Variants in CNTN5 observed in about 807,000 individuals in gnomAD.
The protein encoded by CNTN5 is contactin-5.
Under a neutral mutation model 129.1 loss-of-function variants are expected in CNTN5, and 77 were observed. The ratio of observed to expected loss-of-function variants is 0.60; its 90% CI spans 0.50 to 0.72. The LOEUF is 0.72. Among genes scored for constraint, CNTN5 ranks in the 30% least tolerant of loss-of-function variants. CNTN5 has a pLI of 0.00. For synonymous variants in CNTN5, 509 were observed against 465.6 expected (o/e 1.09, Z -1.20); for missense variants, 1,478 against 1,328.8 (o/e 1.11, Z -1.75).
chr11:99,359,885 A>G (rs4753949), intron 2 of CNTN5, among the ~76,000 whole-genome samples: 35,219 of 151,944 alleles, frequency 0.23, 4,113 homozygotes, highest in South Asian at 0.33. Context: ...CCAAGTATAT[A>G]TGAAAAAAAC....
At position 99,632,685 on chromosome 11, in the gene CNTN5, CAGT is replaced by C. The variant is rs370153858; in HGVS notation, c.55+76419_55+76421del. ...TTAACAGTGTTATTAACCACTGAAT[CAGT>C]AGAGTCTAGATCTAAATGGTATAGA... On this transcript the variant is annotated intron_variant, in intron 3 of 24. Coordinates refer to ENST00000524871, the MANE Select transcript of CNTN5 (RefSeq NM_014361.4). 1.0e-3 allele frequency among the ~76,000 whole-genome samples: 159 copies of C among 152,214 alleles called. 1 individual carries two copies. Among genetic ancestry groups the C allele is most frequent in the African/African-American group, 3.7e-3 (152 of 41,532 alleles).
At position 100,275,601 on chromosome 11, in the gene CNTN5, C is replaced by T. The variant is rs187380347; in HGVS notation, c.2314+4360C>T. Among the ~76,000 whole-genome samples, 16 of 152,302 alleles carry T rather than the reference C, an allele frequency of 1.1e-4. 2 individuals carry two copies. Among genetic ancestry groups the T allele is most frequent in the African/African-American group, 3.8e-4 (16 of 41,570 alleles). On this transcript the variant is annotated intron_variant, in intron 18 of 24. Transcript: ENST00000524871. ...AAGCATTTTAGCAAGATCACTTTTA[C>T]ATTTCAAGCTAAAGTGTATTCAGAT... is the stretch of plus-strand genomic sequence containing the variant.
At chr11:99,123,142 A>T (rs549480749) in intron 1 of CNTN5, among the ~76,000 whole-genome samples, 1 of 152,262 alleles carries the variant, frequency 6.6e-6, no homozygotes, top group African/African-American at 2.4e-5. Flanking sequence ...CAATGGCTGA[A>T]ATAACTTACT....
Position 100,105,723 on chromosome 11 carries a change from A to T in CNTN5, c.1580+31429A>T, listed in dbSNP as rs138633480. ...ACTCTCCAAGGTCTCATCGTTTCAG[A>T]CCTCTCAACCCCTCCATTCTCCATT... On this transcript the variant is annotated intron_variant, in intron 13 of 24. Transcript: ENST00000524871. Among the ~76,000 whole-genome samples, 108 of 151,880 alleles carry T rather than the reference A, an allele frequency of 7.1e-4. 2 individuals are homozygous for T. The East Asian group carries it at 0.021, about 29-fold the overall frequency.
At position 99,887,877 on chromosome 11, in the gene CNTN5, T is replaced by G. The variant is rs1247354500; in HGVS notation, c.578-28177T>G. Among the ~76,000 whole-genome samples the G allele has an allele frequency of 9.2e-5, 14 of 152,354 alleles. No individual in the cohort carries two copies. In the South Asian group the frequency reaches 2.9e-3, roughly 32 times the overall value. The stretch of plus-strand genomic sequence containing the variant: ...CTCATTAGTTGATGTCCACCTAGAT[T>G]GAGGGTGGGTCTGCCTCTCCCAGTC... On this transcript the variant is annotated intron_variant, in intron 6 of 24. Coordinates refer to ENST00000524871, the MANE Select transcript of CNTN5 (RefSeq NM_014361.4).
intron 1 of CNTN5, among the ~76,000 whole-genome samples, chr11:99,245,731 A>T (rs571228460): frequency 6.6e-6 from 1 of 152,314 alleles, no homozygotes; most frequent in African/African-American, 2.4e-5. Flanking sequence ...TGTTTCTGTC[A>T]TCTAACGCTG....
chr11:99,111,818 T>C lies in CNTN5; in HGVS notation c.-210+90548T>C, dbSNP rs1371406311. On this transcript the variant is annotated intron_variant, in intron 1 of 24. Coordinates refer to ENST00000524871, the MANE Select transcript of CNTN5 (RefSeq NM_014361.4). ...ATCTTTAAAAAATGTGTGAATTCTATATTTGTCCTAATTAATAAGACTTTT... is the reference window on the plus strand; with the variant it reads ...ATCTTTAAAAAATGTGTGAATTCTACATTTGTCCTAATTAATAAGACTTTT... 4.6e-5 allele frequency among the ~76,000 whole-genome samples: 7 copies of C among 152,184 alleles called. No homozygotes were observed. In the South Asian group the frequency reaches 8.3e-4, roughly 18 times the overall value.
At chr11:99,654,900 A>G (rs528452495) in intron 3 of CNTN5, among the ~76,000 whole-genome samples, 23 of 152,166 alleles carry the variant, frequency 1.5e-4, no homozygotes, top group African/African-American at 5.5e-4. Flanking sequence ...AGCAGAAAAA[A>G]AGGTTTAATC....
intron 3 of CNTN5, among the ~76,000 whole-genome samples, chr11:99,595,552 G>A (rs1018075396): frequency 2.6e-5 from 4 of 151,962 alleles, no homozygotes; most frequent in Admixed American, 6.6e-5. Context: ...ATTAAAAAGC[G>A]ATTTGTGGAA....
At chr11:99,148,001 G>A (rs1024053982) in intron 1 of CNTN5, among the ~76,000 whole-genome samples, 20 of 151,810 alleles carry the variant, frequency 1.3e-4, no homozygotes, top group Admixed American at 4.6e-4. Flanking sequence ...AGCCATTCAT[G>A]CCAATAAAAA....
intron 4 of CNTN5, 100 bp downstream of exon 4, chr11:99,819,865 G>A (rs1291835118): frequency 3.1e-5 from 22 of 709,434 alleles, no homozygotes; most frequent in Non-Finnish European, 3.1e-5. Flanking sequence ...CAGTAGGAGA[G>A]AGTGATTGAA....
At chr11:99,213,323 T>C (rs1020119430) in intron 1 of CNTN5, among the ~76,000 whole-genome samples, 4 of 143,866 alleles carry the variant, frequency 2.8e-5, no homozygotes, top group African/African-American at 1.0e-4. Context: ...ATATAAAATA[T>C]ATAAATATAT....
At chr11:100,156,064 G>A (rs1455668238) in intron 13 of CNTN5, among the ~76,000 whole-genome samples, 5 of 152,096 alleles carry the variant, frequency 3.3e-5, no homozygotes, top group Non-Finnish European at 1.5e-5. Context: ...GTGAGAGGGG[G>A]CACCCTTGTC....
intron 3 of CNTN5, among the ~76,000 whole-genome samples, chr11:99,703,934 G>A (rs1193349562): frequency 6.6e-6 from 1 of 151,028 alleles, no homozygotes; most frequent in South Asian, 2.1e-4. Context: ...ATTGTAGGTA[G>A]AGTAAGAATG....
chr11:99,889,317 TG>T lies in CNTN5; in HGVS notation c.578-26736del, dbSNP rs879359164. On this transcript the variant is annotated intron_variant, in intron 6 of 24. Transcript: ENST00000524871. Reference sequence around the variant, plus strand: ...GTGTGTGTGTGTGTGTGTGTGTGTGTGTGTGTGTGTGTGTGTGTGTGTGTGT... The same window carrying T: ...GTGTGTGTGTGTGTGTGTGTGTGTGTTGTGTGTGTGTGTGTGTGTGTGTGT... Among the ~76,000 whole-genome samples the T allele has an allele frequency of 4.8e-3, 633 of 132,778 alleles. 13 individuals carry two copies. The highest frequency in any genetic ancestry group is 0.012 in the African/African-American group (476 of 38,420). The allele number at this position is 132,778 out of a possible 152,430, so 87.1% of individuals were successfully genotyped here.
intron 3 of CNTN5, among the ~76,000 whole-genome samples, chr11:99,757,236 C>T (rs927210940): frequency 5.3e-5 from 8 of 152,002 alleles, no homozygotes; most frequent in African/African-American, 1.2e-4. Context: ...TCACATGGGG[C>T]TCTTTCTGTG....
chr11:99,643,558 G>A (rs1419361141), intron 3 of CNTN5, among the ~76,000 whole-genome samples: 1 of 152,010 alleles, frequency 6.6e-6, no homozygotes, highest in Non-Finnish European at 1.5e-5. Flanking sequence ...ATATTATTTA[G>A]AACAATAAAT....
At chr11:99,436,629 C>T (rs1943609929) in intron 2 of CNTN5, among the ~76,000 whole-genome samples, 1 of 152,152 alleles carries the variant, frequency 6.6e-6, no homozygotes, top group Non-Finnish European at 1.5e-5. Context: ...ATCCAAAAAA[C>T]TTTACTATCA....
chr11:99,313,877 G>A (rs1044579453), intron 1 of CNTN5, among the ~76,000 whole-genome samples: 7 of 151,864 alleles, frequency 4.6e-5, no homozygotes, highest in East Asian at 1.9e-4. Context: ...TAGTCGTATC[G>A]TAGACTTTCT....
Sources: gnomAD v4.1 joint callset for allele counts (sites outside exome capture counted in the v4.1 genomes callset) on GRCh38, gnomAD v4.1.1 for gene constraint, MANE v1.5 for transcripts, NCBI Gene and HGNC (gene_info 2026-07-23, HGNC 2026-07-21) for gene names.